SKAP2: variants seen among roughly 807,000 people sequenced by gnomAD.
SKAP2 encodes the protein src kinase associated phosphoprotein 2, also known as src kinase-associated phosphoprotein 2.
In SKAP2, 28 loss-of-function variants were observed where a neutral mutation model predicts 54.9. The ratio of observed to expected loss-of-function variants is 0.51; its 90% CI spans 0.38 to 0.70. SKAP2 has a LOEUF of 0.70. Among genes scored for constraint, SKAP2 ranks in the 30% least tolerant of loss-of-function variants. The pLI, the probability that SKAP2 is intolerant of heterozygous loss-of-function variation, is 0.00. For missense variants in SKAP2, 356 were observed against 424.1 expected, an observed-to-expected ratio of 0.84 and a Z score of 1.41; for synonymous variants, 137 against 134.3, an observed-to-expected ratio of 1.02 and a Z score of -0.14.
At chr7:26,845,069 A>G (rs1784895903) in intron 3 of SKAP2, among the ~76,000 whole-genome samples, 1 of 152,222 alleles carries the variant, frequency 6.6e-6, no homozygotes, top group Non-Finnish European at 1.5e-5. Flanking sequence ...TTAATTCTAC[A>G]TTAAGTATTT....
chr7:26,799,428 T>C lies in SKAP2; in HGVS notation c.307+44602A>G, dbSNP rs112034651. Among the ~76,000 whole-genome samples the C allele has an allele frequency of 4.7e-4, 71 of 152,036 alleles. 1 individual carries two copies. The highest frequency in any genetic ancestry group is 1.7e-3 in the African/African-American group (70 of 41,440). On this transcript the variant is annotated intron_variant, in intron 4 of 12. Transcript: ENST00000345317. Reference sequence around the variant, plus strand: ...CAGGAATTGCTATACTTAGACAAAATAGATTTCAAGACAAAAACAATAAGA... The same window carrying C: ...CAGGAATTGCTATACTTAGACAAAACAGATTTCAAGACAAAAACAATAAGA...
intron 4 of SKAP2, among the ~76,000 whole-genome samples, chr7:26,749,257 A>G (rs1782626082): frequency 6.6e-6 from 1 of 152,218 alleles, no homozygotes; most frequent in Non-Finnish European, 1.5e-5. Context: ...TATACATAAT[A>G]AAGATTAGCA....
intron 4 of SKAP2, among the ~76,000 whole-genome samples, chr7:26,790,693 CG>C (rs1485060562): frequency 1.3e-5 from 2 of 151,808 alleles, no homozygotes; most frequent in Admixed American, 6.6e-5. Context: ...TTAAAGTATC[CG>C]GGATAAAAGA....
chr7:26,692,293 A>G (rs1786802786), intron 9 of SKAP2, among the ~76,000 whole-genome samples: 1 of 152,146 alleles, frequency 6.6e-6, no homozygotes, highest in South Asian at 2.1e-4. Flanking sequence ...AAAATAATCT[A>G]TCTTACTGGG....
chr7:26,729,788 G>A (rs1453357211), intron 6 of SKAP2, among the ~76,000 whole-genome samples: 1 of 152,076 alleles, frequency 6.6e-6, no homozygotes, highest in Non-Finnish European at 1.5e-5. Context: ...GGGTTTTCTG[G>A]AAGAAGAGTA....
chr7:26,700,375 G>A (rs940830327), intron 9 of SKAP2, among the ~76,000 whole-genome samples: 5 of 152,050 alleles, frequency 3.3e-5, no homozygotes, highest in African/African-American at 1.2e-4. Flanking sequence ...GCAGTTTCTG[G>A]AGTCCTCTTT....
chr7:26,813,799 G>C (rs1376062435), intron 4 of SKAP2, among the ~76,000 whole-genome samples: 1 of 152,184 alleles, frequency 6.6e-6, no homozygotes, highest in Non-Finnish European at 1.5e-5. Flanking sequence ...AGGGTAATGA[G>C]ACTATTTCTT....
chr7:26,783,335 C>T (rs1783466313), intron 4 of SKAP2, among the ~76,000 whole-genome samples: 1 of 152,006 alleles, frequency 6.6e-6, no homozygotes, highest in African/African-American at 2.4e-5. Flanking sequence ...TCCTCCAATC[C>T]ATACCGTTAC....
intron 4 of SKAP2, among the ~76,000 whole-genome samples, chr7:26,816,548 T>C (rs1177610634): frequency 6.6e-6 from 1 of 152,088 alleles, no homozygotes; most frequent in Non-Finnish European, 1.5e-5. Flanking sequence ...GTAAGTCAGA[T>C]ATTAAGAAAA....
At chr7:26,664,826 T>G (rs908202670), downstream of SKAP2, among the ~76,000 whole-genome samples, 3 of 152,018 alleles carry the variant, frequency 2.0e-5, no homozygotes, top group African/African-American at 7.2e-5. Flanking sequence ...TGGGAGCAGT[T>G]TCTATATTCA....
intron 9 of SKAP2, among the ~76,000 whole-genome samples, chr7:26,692,731 C>G (rs1224302004): frequency 6.6e-6 from 1 of 152,058 alleles, no homozygotes; most frequent in South Asian, 2.1e-4. Context: ...CTCACTTATG[C>G]CAAACCTTAA....
intron 4 of SKAP2, among the ~76,000 whole-genome samples, chr7:26,788,002 T>C (rs796514526): frequency 7.2e-5 from 11 of 152,144 alleles, no homozygotes; most frequent in African/African-American, 2.4e-4. Context: ...ATTATCAACA[T>C]GGGATGTAGG....
At chr7:26,776,955 C>T (rs889513654) in intron 4 of SKAP2, among the ~76,000 whole-genome samples, 1 of 152,152 alleles carries the variant, frequency 6.6e-6, no homozygotes, top group African/African-American at 2.4e-5. Flanking sequence ...AAACTACATG[C>T]CATTCCCAAA....
chr7:26,817,510 A>G (rs927494561), intron 4 of SKAP2, among the ~76,000 whole-genome samples: 3 of 152,170 alleles, frequency 2.0e-5, no homozygotes, highest in African/African-American at 7.2e-5. Context: ...CCTATGTCTC[A>G]TGCATTTTTA....
At chr7:26,708,657 T>C (rs1223678866) in intron 9 of SKAP2, among the ~76,000 whole-genome samples, 1 of 152,216 alleles carries the variant, frequency 6.6e-6, no homozygotes, top group Middle Eastern at 3.2e-3. Context: ...TGGGTATGAG[T>C]AGCACTGAAC....
chr7:26,851,937 A>AC (rs887779487), intron 3 of SKAP2, among the ~76,000 whole-genome samples: 18 of 151,798 alleles, frequency 1.2e-4, no homozygotes, highest in South Asian at 2.1e-4. Context: ...GGTCCTTTTT[A>AC]CCCCCCCAAT....
chr7:26,798,628 G>C (rs944803925), intron 4 of SKAP2, among the ~76,000 whole-genome samples: 2 of 151,910 alleles, frequency 1.3e-5, no homozygotes, highest in Non-Finnish European at 2.9e-5. Flanking sequence ...GTATCACACT[G>C]TAACTGTGGT....
At position 26,797,404 on chromosome 7, in the gene SKAP2, G is replaced by C. The variant is rs76667343; in HGVS notation, c.307+46626C>G. On this transcript the variant is annotated intron_variant, in intron 4 of 12. Transcript: ENST00000345317. ...GGGAGAAATTAAGGGAAGGAAACAG[G>C]AGTCTCTGCCTGGTAATCCAGAGAA... 5.7e-3 allele frequency among the ~76,000 whole-genome samples: 861 copies of C among 152,336 alleles called. 4 individuals carry two copies. The highest frequency in any genetic ancestry group is 0.01 in the Non-Finnish European group (684 of 68,038).
At chr7:26,709,802 T>G (rs1331941263) in intron 9 of SKAP2, among the ~76,000 whole-genome samples, 1 of 152,168 alleles carries the variant, frequency 6.6e-6, no homozygotes, top group South Asian at 2.1e-4. Flanking sequence ...ATGACTAGCC[T>G]GCCATAGGGA....
Sources: gnomAD v4.1 joint callset for allele counts (sites outside exome capture counted in the v4.1 genomes callset) on GRCh38, gnomAD v4.1.1 for gene constraint, MANE v1.5 for transcripts, NCBI Gene and HGNC (gene_info 2026-07-23, HGNC 2026-07-21) for gene names.